Variants in CORO2B observed in about 807,000 individuals in gnomAD.
CORO2B encodes coronin-2B.
Under a neutral mutation model 58.8 loss-of-function variants are expected in CORO2B, and 26 were observed. The observed-to-expected ratio is 0.44, with a 90% confidence interval of 0.32 to 0.61. The LOEUF is 0.61. Ranked by LOEUF, CORO2B falls within the 20% of genes least tolerant of loss-of-function variation. CORO2B has a pLI of 0.04. For synonymous variants in CORO2B, 242 were observed against 253.8 expected (o/e 0.95, Z 0.44); for missense variants, 460 against 645.1 (o/e 0.71, Z 3.11).
chr15:68,628,865 A>T (rs112940943), intron 1 of CORO2B, among the ~76,000 whole-genome samples: 2 of 152,172 alleles, frequency 1.3e-5, no homozygotes, highest in African/African-American at 4.8e-5. Flanking sequence ...GCTGAGAGGG[A>T]TGCCCTCAGT....
the CORO2B span, among the ~76,000 whole-genome samples, chr15:68,522,295 C>G: frequency 6.6e-6 from 1 of 152,138 alleles, no homozygotes; most frequent in Non-Finnish European, 1.5e-5. Flanking sequence ...CACTTCTTCT[C>G]CATTCTTCTC....
At chr15:68,690,039 A>T (rs906689897) in intron 2 of CORO2B, among the ~76,000 whole-genome samples, 1 of 152,240 alleles carries the variant, frequency 6.6e-6, no homozygotes, top group Non-Finnish European at 1.5e-5. Context: ...ACTAAATATT[A>T]AAAATGTATT....
At chr15:68,724,440 T>G (rs1485866697) in intron 11 of CORO2B, among the ~76,000 whole-genome samples, 2 of 152,170 alleles carry the variant, frequency 1.3e-5, no homozygotes, top group Non-Finnish European at 2.9e-5. Context: ...TCTCATCTTT[T>G]TTTGAGACAT....
At chr15:68,531,406 A>T in the CORO2B span, among the ~76,000 whole-genome samples, 1 of 152,018 alleles carries the variant, frequency 6.6e-6, no homozygotes, top group Non-Finnish European at 1.5e-5. Context: ...CTGAGGCAGG[A>T]GAATCACTTG....
intron 1 of CORO2B, among the ~76,000 whole-genome samples, chr15:68,586,732 G>C (rs1899569144): frequency 6.6e-6 from 1 of 152,010 alleles, no homozygotes; most frequent in South Asian, 2.1e-4. Flanking sequence ...CTGCTGCTTG[G>C]TGATAGGGAG....
intron 1 of CORO2B, among the ~76,000 whole-genome samples, chr15:68,583,979 G>A (rs1899493915): frequency 6.6e-6 from 1 of 152,200 alleles, no homozygotes; most frequent in Non-Finnish European, 1.5e-5. Flanking sequence ...CTCATGCTGG[G>A]AGGTGTGCGG....
At chr15:68,593,141 A>T (rs1899745837) in intron 1 of CORO2B, among the ~76,000 whole-genome samples, 1 of 152,140 alleles carries the variant, frequency 6.6e-6, no homozygotes, top group Non-Finnish European at 1.5e-5. Flanking sequence ...ACATTAATTA[A>T]TTTGTGAGGG....
intron 2 of CORO2B, among the ~76,000 whole-genome samples, chr15:68,656,688 G>T (rs1901817652): frequency 6.6e-6 from 1 of 152,184 alleles, no homozygotes; most frequent in Non-Finnish European, 1.5e-5. Context: ...AGTGTGCCCA[G>T]TGATTAGGGG....
chr15:68,557,252 G>A, the CORO2B span, among the ~76,000 whole-genome samples: 6 of 152,332 alleles, frequency 3.9e-5, no homozygotes, highest in Admixed American at 3.9e-4. Context: ...AACCTTGGAA[G>A]GGTTAAGGTT....
chr15:68,656,079 C>T lies in CORO2B; in HGVS notation c.216+10719C>T, dbSNP rs190026110. Among the ~76,000 whole-genome samples, 68 of 152,226 alleles carry T rather than the reference C, an allele frequency of 4.5e-4. 1 individual carries two copies. Among genetic ancestry groups the T allele is most frequent in the African/African-American group, 1.6e-3 (67 of 41,532 alleles). ...TTGCCCTGCCTGAGAAACTTCAGGC[C>T]TGATTTAGTCCTTAGGGCAGTTTGC... On this transcript the variant is annotated intron_variant, in intron 2 of 11. Transcript: ENST00000261861.
the CORO2B span, among the ~76,000 whole-genome samples, chr15:68,540,110 A>G: frequency 6.6e-6 from 1 of 152,264 alleles, no homozygotes; most frequent in Non-Finnish European, 1.5e-5. Flanking sequence ...GTATGTTTTC[A>G]TACTCTGTAA....
rs1043542185 is a variant in CORO2B at position 68,714,657 on chromosome 15, T to C, written c.864T>C (p.Ala288=). The change falls in exon 7 of 12, where the codon GCT becomes GCC. Residue 288 remains alanine, a synonymous_variant. Transcript: ENST00000261861. ...CTGACACCCACATGCTCTACCTGGC[T>C]GGAAAGGTAGTAGGAGGTGGGGGAG... ...YDADTHMLYL[A]GKGDGNIRYY... The C allele has an allele frequency of 1.9e-6, 3 of 1,613,108 alleles. No individual in the cohort carries two copies. The African/African-American group carries it at 4.0e-5, about 22-fold the overall frequency.
the CORO2B span, among the ~76,000 whole-genome samples, chr15:68,529,292 GGA>G: frequency 6.6e-6 from 1 of 152,240 alleles, no homozygotes; most frequent in East Asian, 1.9e-4. Context: ...TATCAATTTA[GGA>G]GTAAGTAGTC....
chr15:68,702,821 CTTTTTT>C (rs113249272), intron 3 of CORO2B, among the ~76,000 whole-genome samples: 5 of 96,250 alleles, frequency 5.2e-5, no homozygotes, highest in South Asian at 3.4e-4. Flanking sequence ...TTTTCTTTTT[CTTTTTT>C]TTTTTTTTTT....
At chr15:68,713,513 C>G (rs1892966245) in intron 5 of CORO2B, among the ~76,000 whole-genome samples, 1 of 152,188 alleles carries the variant, frequency 6.6e-6, no homozygotes, top group Non-Finnish European at 1.5e-5. Flanking sequence ...TTCCAGAGGC[C>G]AGATGTCCCA....
At chr15:68,518,756 G>A in the CORO2B span, among the ~76,000 whole-genome samples, 11 of 152,028 alleles carry the variant, frequency 7.2e-5, no homozygotes, top group African/African-American at 2.7e-4. Context: ...CCTTTCTGAT[G>A]GAGAGGGGGT....
upstream of CORO2B, among the ~76,000 whole-genome samples, chr15:68,575,577 G>GCCCCGCC (rs1555409338): frequency 5.2e-5 from 2 of 38,752 alleles, no homozygotes; most frequent in African/African-American, 1.3e-4. Context: ...CTTGTGATCT[G>GCCCCGCC]CCCCCGCCTC....
Position 68,579,111 on chromosome 15 carries a change from C to A in CORO2B, c.-152C>A, listed in dbSNP as rs1033888315. ...ACGAGCGGTCCCTGCGCGCTGCCCG[C>A]CCGGAGCGCAGCCCCCAGGCTCGGC... On this transcript the variant is annotated 5_prime_UTR_variant, in exon 1 of 12. Coordinates refer to ENST00000261861, the MANE Select transcript of CORO2B (RefSeq NM_006091.5). 162 of 982,558 alleles carry A rather than the reference C, an allele frequency of 1.6e-4. No homozygotes were observed. The highest frequency in any genetic ancestry group is 1.6e-4 in the Non-Finnish European group (134 of 828,804). The allele number at this position is 982,558 out of a possible 1,614,324, so 60.9% of individuals were successfully genotyped here. A position where few individuals can be genotyped will look rare whatever the true frequency, so the allele number is the denominator to read the frequency against.
chr15:68,632,113 G>A (rs1029823456), intron 1 of CORO2B: 18 of 985,364 alleles, frequency 1.8e-5, no homozygotes, highest in Admixed American at 6.1e-5. Flanking sequence ...TCAGATTCCC[G>A]TTATCTTGAC....
Sources: gnomAD v4.1 joint callset for allele counts (sites outside exome capture counted in the v4.1 genomes callset) on GRCh38, gnomAD v4.1.1 for gene constraint, MANE v1.5 for transcripts, NCBI Gene and HGNC (gene_info 2026-07-23, HGNC 2026-07-21) for gene names.